The following CTNNA3 variants were observed in gnomAD, a reference collection of about 807,000 sequenced individuals.
CTNNA3 encodes the protein catenin alpha 3.
A neutral mutation model predicts 95.7 loss-of-function variants in CTNNA3; 76 were observed. The ratio of observed to expected loss-of-function variants is 0.79; its 90% CI spans 0.66 to 0.96. The LOEUF is 0.96. Ranked by LOEUF, CTNNA3 falls within the 40% of genes least tolerant of loss-of-function variation. The probability of loss-of-function intolerance (pLI) is 0.00; values close to 1 mark genes in which losing one functional copy is unlikely to be tolerated. For synonymous variants in CTNNA3, 431 were observed against 374.4 expected (o/e 1.15, Z -1.74); for missense variants, 1,191 against 1,089.8 (o/e 1.09, Z -1.31).
intron 11 of CTNNA3, among the ~76,000 whole-genome samples, chr10:66,403,612 C>T (rs1284788067): frequency 2.0e-5 from 3 of 152,110 alleles, no homozygotes; most frequent in African/African-American, 7.2e-5. Context: ...GATTACAATT[C>T]AAGACGTAAT....
intron 5 of CTNNA3, among the ~76,000 whole-genome samples, chr10:67,264,251 A>G (rs1415671199): frequency 3.3e-5 from 5 of 152,146 alleles, no homozygotes; most frequent in African/African-American, 1.2e-4. Context: ...GGCGGTAGGA[A>G]GGACCAGAAG....
chr10:66,328,438 G>A (rs920166859), intron 12 of CTNNA3, among the ~76,000 whole-genome samples: 3 of 151,968 alleles, frequency 2.0e-5, no homozygotes, highest in African/African-American at 7.2e-5. Context: ...ATGTTATTGT[G>A]CTCCTCTACC....
In CTNNA3 at chr10:66,932,590, T is replaced by C. The variant is rs112903931; in HGVS notation, c.1048-157066A>G. Among the ~76,000 whole-genome samples, 605 of 152,264 alleles carry C rather than the reference T, an allele frequency of 4.0e-3. 7 individuals are homozygous for C. Among genetic ancestry groups the C allele is most frequent in the African/African-American group, 0.014 (569 of 41,574 alleles). The stretch of plus-strand genomic sequence containing the variant: ...AATCAGAGGCAGTTGGGGGAAACAA[T>C]GAGCACAACAGAATATATAGGTAAA... On this transcript the variant is annotated intron_variant, in intron 7 of 17. Transcript: ENST00000433211.
At chr10:66,182,416 T>C (rs1181416175) in intron 13 of CTNNA3, among the ~76,000 whole-genome samples, 1 of 151,932 alleles carries the variant, frequency 6.6e-6, no homozygotes, top group Non-Finnish European at 1.5e-5. Flanking sequence ...CCACCACGCC[T>C]AGCTATTTTT....
intron 5 of CTNNA3, among the ~76,000 whole-genome samples, chr10:67,373,482 T>C (rs1238347310): frequency 2.6e-5 from 4 of 152,200 alleles, no homozygotes; most frequent in Admixed American, 2.0e-4. Context: ...AAGCAAGTCC[T>C]TGGAGACGTA....
At chr10:66,025,950 T>C (rs2079324901) in intron 15 of CTNNA3, among the ~76,000 whole-genome samples, 1 of 152,196 alleles carries the variant, frequency 6.6e-6, no homozygotes. Flanking sequence ...CACACTCACA[T>C]GTGCACACAC....
At chr10:67,599,984 G>A (rs563217662) in intron 3 of CTNNA3, among the ~76,000 whole-genome samples, 5 of 152,198 alleles carry the variant, frequency 3.3e-5, no homozygotes, top group African/African-American at 9.6e-5. Context: ...TGGCATTGGT[G>A]TAAGAATAGA....
At chr10:66,895,905 C>T (rs1845463372) in intron 7 of CTNNA3, among the ~76,000 whole-genome samples, 1 of 129,598 alleles carries the variant, frequency 7.7e-6, no homozygotes, top group South Asian at 2.7e-4. Flanking sequence ...TGGAGAAAAC[C>T]TGTCTCTACA....
intron 7 of CTNNA3, among the ~76,000 whole-genome samples, chr10:66,941,582 AT>A (rs1356704801): frequency 6.6e-6 from 1 of 152,184 alleles, no homozygotes; most frequent in Non-Finnish European, 1.5e-5. Context: ...CTGAAAAAAA[AT>A]CAAAGGCCAT....
intron 7 of CTNNA3, among the ~76,000 whole-genome samples, chr10:66,942,017 G>C (rs942785): frequency 0.96 from 146,026 of 152,264 alleles, 70,325 homozygotes; most frequent in East Asian, 1. Flanking sequence ...TAAACCTGGG[G>C]TGCAGTTTTG....
At chr10:66,665,328 G>A (rs545474137) in intron 9 of CTNNA3, among the ~76,000 whole-genome samples, 1 of 152,272 alleles carries the variant, frequency 6.6e-6, no homozygotes, top group South Asian at 2.1e-4. Flanking sequence ...AGACCCTTCA[G>A]GATGTGAATC....
intron 9 of CTNNA3, among the ~76,000 whole-genome samples, chr10:66,685,344 TA>T (rs1847247449): frequency 1.2e-4 from 9 of 77,006 alleles, no homozygotes; most frequent in African/African-American, 5.4e-4. Flanking sequence ...TATATATATA[TA>T]TATATATTTT....
intron 3 of CTNNA3, among the ~76,000 whole-genome samples, chr10:67,578,785 TC>T (rs1842258908): frequency 6.6e-6 from 1 of 150,824 alleles, no homozygotes; most frequent in Non-Finnish European, 1.5e-5. Context: ...ATATGGTCTT[TC>T]TTATTTTCAG....
chr10:66,532,130 A>G (rs1401842639), intron 10 of CTNNA3, among the ~76,000 whole-genome samples: 2 of 152,122 alleles, frequency 1.3e-5, no homozygotes, highest in African/African-American at 4.8e-5. Context: ...TTAATTGCCA[A>G]AGTGTGTTTC....
intron 10 of CTNNA3, among the ~76,000 whole-genome samples, chr10:66,595,034 C>G (rs1246964015): frequency 6.6e-6 from 1 of 152,048 alleles, no homozygotes; most frequent in African/African-American, 2.4e-5. Flanking sequence ...GATTGTGGAA[C>G]TGGAGATCCC....
At chr10:66,778,907 C>T (rs928984597) in intron 7 of CTNNA3, among the ~76,000 whole-genome samples, 4 of 151,992 alleles carry the variant, frequency 2.6e-5, no homozygotes, top group Admixed American at 6.5e-5. Context: ...ACCCAGGAGG[C>T]GGAAGTTGCA....
chr10:66,392,013 T>C, intron 11 of CTNNA3, among the ~76,000 whole-genome samples: 1 of 152,010 alleles, frequency 6.6e-6, no homozygotes, highest in East Asian at 1.9e-4. Flanking sequence ...CTAGGTGATC[T>C]TGGGTTTGGC....
chr10:66,747,499 T>C (rs570156346), intron 9 of CTNNA3, among the ~76,000 whole-genome samples: 5 of 152,282 alleles, frequency 3.3e-5, no homozygotes, highest in Non-Finnish European at 5.9e-5. Context: ...GGTAGCTTTA[T>C]AGCTGTGAAT....
At chr10:66,588,241 C>T (rs752204110) in intron 10 of CTNNA3, among the ~76,000 whole-genome samples, 21 of 151,818 alleles carry the variant, frequency 1.4e-4, no homozygotes, top group Non-Finnish European at 2.9e-4. Context: ...CGGTGGCAGT[C>T]TCTCCCCCTC....
Sources: gnomAD v4.1 joint callset for allele counts (sites outside exome capture counted in the v4.1 genomes callset) on GRCh38, gnomAD v4.1.1 for gene constraint, MANE v1.5 for transcripts, NCBI Gene and HGNC (gene_info 2026-07-23, HGNC 2026-07-21) for gene names.